Variants in CACNB2 observed in about 807,000 individuals in gnomAD.
CACNB2 encodes the protein calcium voltage-gated channel auxiliary subunit beta 2.
CACNB2 carries 42 observed loss-of-function variants against 73.3 expected under a neutral mutation model. The ratio of observed to expected loss-of-function variants is 0.57; its 90% confidence interval spans 0.45 to 0.74. CACNB2 has a LOEUF of 0.74. Ranked by LOEUF, CACNB2 falls within the 30% of genes least tolerant of loss-of-function variation. The pLI is 0.00. For missense variants in CACNB2, 940 were observed against 853.0 expected (o/e 1.10, Z -1.27); for synonymous variants, 348 against 310.3 (o/e 1.12, Z -1.28).
At chr10:18,247,297 T>C (rs73597562) in intron 2 of CACNB2, among the ~76,000 whole-genome samples, 6,666 of 152,288 alleles carry the variant, frequency 0.044, 368 homozygotes, top group African/African-American at 0.13. Context: ...AGACATCGTA[T>C]CTTTTTCCTT....
intron 3 of CACNB2, among the ~76,000 whole-genome samples, chr10:18,457,108 G>A (rs1336691264): frequency 6.6e-6 from 1 of 151,982 alleles, no homozygotes; most frequent in Non-Finnish European, 1.5e-5. Context: ...GTGGGTGTAT[G>A]TTTAGACAGA....
intron 2 of CACNB2, among the ~76,000 whole-genome samples, chr10:18,243,631 T>G (rs2036747192): frequency 6.6e-6 from 1 of 152,120 alleles, no homozygotes. Flanking sequence ...GATGAGTGAG[T>G]TCTCACTGTC....
chr10:18,165,571 C>T (rs1332234498), intron 2 of CACNB2, among the ~76,000 whole-genome samples: 5 of 152,172 alleles, frequency 3.3e-5, no homozygotes, highest in Non-Finnish European at 5.9e-5. Context: ...TGTCACCATG[C>T]CCAGCTAATT....
In CACNB2 at chr10:18,498,445, T is replaced by A. The variant is rs747658821; in HGVS notation, c.424T>A (p.Phe142Ile). The change falls in exon 4 of 14, where the codon TTC (phenylalanine) becomes ATC (isoleucine). Residue 142 changes from phenylalanine to isoleucine, a missense_variant. Transcript: ENST00000324631. ...DVPVPGMAIS[F>I]EAKDFLHVKE... ...TCCAGTGCCTGGCATGGCCATCTCA[T>A]TCGAAGCAAAAGATTTTCTGCATGT... The A allele has an allele frequency of 1.9e-6, 3 of 1,614,146 alleles. No homozygotes were observed. The South Asian group carries it at 3.3e-5, about 18-fold the overall frequency.
At chr10:18,268,932 C>A (rs1013804814) in intron 2 of CACNB2, among the ~76,000 whole-genome samples, 62 of 152,214 alleles carry the variant, frequency 4.1e-4, no homozygotes, top group African/African-American at 1.4e-3. Context: ...CAAGGTCTGG[C>A]CTTCTTCTTG....
chr10:18,191,826 A>C (rs897887049), intron 2 of CACNB2, among the ~76,000 whole-genome samples: 4 of 152,140 alleles, frequency 2.6e-5, no homozygotes, highest in Non-Finnish European at 4.4e-5. Flanking sequence ...CAGTTTTTTT[A>C]TGCACTCATT....
intron 3 of CACNB2, among the ~76,000 whole-genome samples, chr10:18,483,413 C>T (rs78429356): frequency 0.022 from 3,295 of 151,592 alleles, 127 homozygotes; most frequent in African/African-American, 0.076. Context: ...TTCCTATAAT[C>T]CCAGCTACTC....
intron 2 of CACNB2, among the ~76,000 whole-genome samples, chr10:18,284,894 G>T (rs1488097250): frequency 6.6e-6 from 1 of 152,150 alleles, no homozygotes; most frequent in African/African-American, 2.4e-5. Flanking sequence ...TAGAGATAAT[G>T]GGGAACTAGG....
intron 3 of CACNB2, among the ~76,000 whole-genome samples, chr10:18,489,638 A>G (rs1376593758): frequency 2.0e-5 from 3 of 152,098 alleles, no homozygotes; most frequent in Non-Finnish European, 4.4e-5. Context: ...GCTGGGGTTA[A>G]ATGAAATGTA....
intron 2 of CACNB2, among the ~76,000 whole-genome samples, chr10:18,198,637 A>G (rs1339074092): frequency 6.6e-6 from 1 of 152,204 alleles, no homozygotes; most frequent in Admixed American, 6.5e-5. Context: ...GTTCTTGCAG[A>G]TTCATCTTCC....
intron 3 of CACNB2, among the ~76,000 whole-genome samples, chr10:18,496,940 G>A (rs1480575255): frequency 6.6e-6 from 1 of 151,586 alleles, no homozygotes; most frequent in Non-Finnish European, 1.5e-5. Context: ...GCCAGGCATG[G>A]TGTCTCGTAC....
intron 9 of CACNB2, among the ~76,000 whole-genome samples, chr10:18,521,203 C>G (rs769924314): frequency 7.2e-5 from 11 of 152,194 alleles, no homozygotes; most frequent in Non-Finnish European, 1.3e-4. Context: ...AAAAGGGCAA[C>G]TTGGTTATAT....
intron 2 of CACNB2, among the ~76,000 whole-genome samples, chr10:18,167,304 G>T (rs973894530): frequency 3.3e-5 from 5 of 152,126 alleles, no homozygotes; most frequent in African/African-American, 1.2e-4. Context: ...TCCAAAAGGG[G>T]GAAGGGTGAG....
At chr10:18,313,691 A>C (rs1029099008) in intron 2 of CACNB2, among the ~76,000 whole-genome samples, 9 of 152,210 alleles carry the variant, frequency 5.9e-5, no homozygotes, top group Admixed American at 2.0e-4. Flanking sequence ...AGGGGAAAAT[A>C]TGCTCCACTA....
chr10:18,140,493 C>G lies in CACNB2; in HGVS notation c.-244C>G, dbSNP rs980879267. Among the ~76,000 whole-genome samples, 6 of 151,672 alleles carry G rather than the reference C, an allele frequency of 4.0e-5. No individual in the cohort carries two copies. The highest frequency in any genetic ancestry group is 1.5e-4 in the African/African-American group (6 of 41,360). The stretch of plus-strand genomic sequence containing the variant: ...GCTCCCCTCTCCCAGGCACCGCAGC[C>G]GCGCCCCCGCGTCCCGCCTCCCGAG... On this transcript the variant is annotated 5_prime_UTR_variant, in exon 1 of 14. Coordinates refer to ENST00000324631, the MANE Select transcript of CACNB2 (RefSeq NM_201596.3).
intron 2 of CACNB2, among the ~76,000 whole-genome samples, chr10:18,390,025 C>T (rs900737241): frequency 4.6e-5 from 7 of 152,126 alleles, no homozygotes; most frequent in Non-Finnish European, 7.3e-5. Flanking sequence ...AGGACTGAAG[C>T]CATATCCCTT....
At chr10:18,512,310 A>T (rs1336922395) in intron 6 of CACNB2, among the ~76,000 whole-genome samples, 1 of 152,086 alleles carries the variant, frequency 6.6e-6, no homozygotes, top group Non-Finnish European at 1.5e-5. Context: ...TATTAGACAG[A>T]TTTCACTCGG....
intron 3 of CACNB2, among the ~76,000 whole-genome samples, chr10:18,484,737 G>A (rs1589501261): frequency 6.6e-6 from 1 of 152,232 alleles, no homozygotes; most frequent in East Asian, 1.9e-4. Context: ...CGCAGTGCTG[G>A]ATTTTAAACA....
intron 2 of CACNB2, among the ~76,000 whole-genome samples, chr10:18,286,373 C>T (rs1200701419): frequency 5.3e-5 from 8 of 151,806 alleles, no homozygotes; most frequent in Non-Finnish European, 1.2e-4. Flanking sequence ...AAAAAATTAG[C>T]CAGGCGCGGT....
Sources: gnomAD v4.1 joint callset for allele counts (sites outside exome capture counted in the v4.1 genomes callset) on GRCh38, gnomAD v4.1.1 for gene constraint, MANE v1.5 for transcripts, NCBI Gene and HGNC (gene_info 2026-07-23, HGNC 2026-07-21) for gene names.